The following TBCK variants were observed in gnomAD, a reference collection of about 807,000 sequenced individuals.
The protein encoded by TBCK is TBC domain-containing protein kinase-like protein.
TBCK carries 99 observed loss-of-function variants against 113.4 expected under a neutral mutation model. The ratio of observed to expected loss-of-function variants is 0.87; its 90% CI spans 0.74 to 1.03. The LOEUF (loss-of-function observed/expected upper bound fraction) is 1.03. TBCK is among the 50% of genes least tolerant of loss of function. TBCK has a pLI of 0.00. For synonymous variants in TBCK, 369 were observed against 370.8 expected (o/e 1.00, Z 0.05); for missense variants, 1,045 against 1,061.3 (o/e 0.98, Z 0.21).
intron 19 of TBCK, among the ~76,000 whole-genome samples, chr4:106,219,048 T>C (rs917701910): frequency 6.6e-6 from 1 of 151,618 alleles, no homozygotes; most frequent in African/African-American, 2.4e-5. Flanking sequence ...CCATAAATAA[T>C]GATGAGTTCA....
chr4:106,111,341 G>T (rs915140695), intron 24 of TBCK, among the ~76,000 whole-genome samples: 4 of 152,176 alleles, frequency 2.6e-5, no homozygotes, highest in African/African-American at 9.7e-5. Flanking sequence ...GGCCCCTTCA[G>T]CAGGGGCTCC....
intron 2 of TBCK, 23 bp downstream of exon 2, chr4:106,308,744 AG>A (rs982680788): frequency 2.5e-6 from 4 of 1,590,396 alleles, no homozygotes; most frequent in Middle Eastern, 1.7e-4. Flanking sequence ...GAACATAAAT[AG>A]GAAAAAAAAG....
chr4:106,212,454 C>A (rs988487831), intron 20 of TBCK, among the ~76,000 whole-genome samples: 2 of 152,162 alleles, frequency 1.3e-5, no homozygotes, highest in East Asian at 1.9e-4. Flanking sequence ...CAAAATCAGG[C>A]CTGAATATCA....
At position 106,187,292 on chromosome 4, in the gene TBCK, G is replaced by C. The variant is rs111636628; in HGVS notation, c.2059+6317C>G. 4.8e-3 allele frequency among the ~76,000 whole-genome samples: 737 copies of C among 152,152 alleles called. 5 individuals carry two copies. The highest frequency in any genetic ancestry group is 0.017 in the African/African-American group (695 of 41,508). Reference sequence around the variant, plus strand: ...CTGTGATAAATGTTGTTGGTAGTTTGATAGGAATAGCACTGAATCTATAAA... The same window carrying C: ...CTGTGATAAATGTTGTTGGTAGTTTCATAGGAATAGCACTGAATCTATAAA... On this transcript the variant is annotated intron_variant, in intron 22 of 25. Transcript: ENST00000394708.
intron 23 of TBCK, among the ~76,000 whole-genome samples, chr4:106,148,912 C>A (rs1485945010): frequency 1.3e-5 from 2 of 152,216 alleles, no homozygotes; most frequent in Admixed American, 6.6e-5. Flanking sequence ...CTTCTTCCAA[C>A]TGAAGGCTGC....
intron 3 of TBCK, among the ~76,000 whole-genome samples, chr4:106,264,491 T>C (rs1026088721): frequency 6.6e-6 from 1 of 151,964 alleles, no homozygotes; most frequent in Non-Finnish European, 1.5e-5. Flanking sequence ...GAGAGATAGC[T>C]ATGAGTCAGA....
intron 14 of TBCK, among the ~76,000 whole-genome samples, chr4:106,235,674 C>T (rs933763662): frequency 6.6e-6 from 1 of 151,916 alleles, no homozygotes; most frequent in Non-Finnish European, 1.5e-5. Flanking sequence ...GATAATAGTA[C>T]CAGTCTCATA....
intron 23 of TBCK, among the ~76,000 whole-genome samples, chr4:106,159,207 G>A (rs774387728): frequency 6.6e-6 from 1 of 152,084 alleles, no homozygotes; most frequent in Non-Finnish European, 1.5e-5. Context: ...GAAAGGCTGA[G>A]AGCTTTTCCT....
intron 1 of TBCK, among the ~76,000 whole-genome samples, chr4:106,314,993 G>T (rs1383313066): frequency 2.0e-5 from 3 of 152,072 alleles, no homozygotes; most frequent in African/African-American, 7.2e-5. Context: ...AAAACACAAT[G>T]ATCGAAAAAG....
At chr4:106,295,215 T>A in intron 2 of TBCK, 49 bp from the exon 3 acceptor site, 2 of 1,534,076 alleles carry the variant, frequency 1.3e-6, no homozygotes, top group Non-Finnish European at 1.8e-6. Context: ...ATACAACATG[T>A]TAAAAACAAA....
At chr4:106,237,568 G>T in intron 12 of TBCK, 1 of 455,228 alleles carries the variant, frequency 2.2e-6, no homozygotes, top group Non-Finnish European at 4.4e-6. Context: ...AATTCAAGCT[G>T]TGTGTGCAGC....
chr4:106,214,031 A>T (rs1431021116), intron 19 of TBCK, among the ~76,000 whole-genome samples: 2 of 152,334 alleles, frequency 1.3e-5, no homozygotes, highest in East Asian at 3.9e-4. Flanking sequence ...GAGAACCAGC[A>T]GACTGCCCCC....
At chr4:106,100,130 A>G (rs1560643229) in intron 24 of TBCK, among the ~76,000 whole-genome samples, 2 of 152,178 alleles carry the variant, frequency 1.3e-5, no homozygotes, top group Non-Finnish European at 2.9e-5. Flanking sequence ...GTATCTGTAC[A>G]TATCTTATAA....
chr4:106,100,134 C>G (rs1282650299), intron 24 of TBCK, among the ~76,000 whole-genome samples: 1 of 152,146 alleles, frequency 6.6e-6, no homozygotes, highest in Non-Finnish European at 1.5e-5. Flanking sequence ...CTGTACATAT[C>G]TTATAACAGC....
In TBCK at chr4:106,138,243, G is replaced by C. The variant is rs72964486; in HGVS notation, c.2236-21865C>G. On this transcript the variant is annotated intron_variant, in intron 23 of 25. Coordinates refer to ENST00000394708, the MANE Select transcript of TBCK (RefSeq NM_001163435.3). Reference sequence around the variant, plus strand: ...CATAATCTCATGGGACCACGGTCATGTATGTAATCCGTTGTTGACTGAAAT... The same window carrying C: ...CATAATCTCATGGGACCACGGTCATCTATGTAATCCGTTGTTGACTGAAAT... 8.4e-3 allele frequency among the ~76,000 whole-genome samples: 1,181 copies of C among 141,254 alleles called. 106 individuals carry two copies. The highest frequency in any genetic ancestry group is 0.026 in the African/African-American group (1,040 of 40,092). 92.7% of individuals were successfully genotyped at this position (141,254 alleles called of 152,430 possible).
intron 23 of TBCK, among the ~76,000 whole-genome samples, chr4:106,164,757 A>G (rs890359862): frequency 6.6e-6 from 1 of 151,724 alleles, no homozygotes; most frequent in African/African-American, 2.4e-5. Context: ...TAATCTAAAA[A>G]GTAGTGTTGT....
At chr4:106,047,993 C>T (rs951956611) in intron 25 of TBCK, among the ~76,000 whole-genome samples, 1 of 152,092 alleles carries the variant, frequency 6.6e-6, no homozygotes, top group Non-Finnish European at 1.5e-5. Context: ...AAGCTTAATA[C>T]TTAGTAATAT....
intron 3 of TBCK, among the ~76,000 whole-genome samples, chr4:106,280,643 G>C (rs959743045): frequency 6.6e-6 from 1 of 152,168 alleles, no homozygotes; most frequent in Admixed American, 6.5e-5. Context: ...TCATTCTTCT[G>C]CATACAGAAA....
At chr4:106,071,250 C>T (rs973849781) in intron 25 of TBCK, among the ~76,000 whole-genome samples, 3 of 152,144 alleles carry the variant, frequency 2.0e-5, no homozygotes, top group African/African-American at 7.2e-5. Flanking sequence ...TATAAATGTC[C>T]TTCTACACAC....
Sources: allele counts gnomAD v4.1 joint callset (sites outside exome capture counted in the v4.1 genomes callset), GRCh38; gene constraint gnomAD v4.1.1; transcripts MANE v1.5; gene names NCBI Gene and HGNC (gene_info 2026-07-23, HGNC 2026-07-21).